The following MACROD2 variants were observed in gnomAD, a reference collection of about 807,000 sequenced individuals.
MACROD2 encodes ADP-ribose glycohydrolase MACROD2.
MACROD2 carries 36 observed loss-of-function variants against 70.4 expected under a neutral mutation model. That is an observed-to-expected ratio of 0.51 (90% CI 0.39 to 0.68). MACROD2 has a LOEUF of 0.68. MACROD2 is among the 30% of genes least tolerant of loss of function. MACROD2 has a pLI of 0.00. For synonymous variants in MACROD2, 172 were observed against 178.8 expected, an observed-to-expected ratio of 0.96 and a Z score of 0.30; for missense variants, 496 against 538.4, an observed-to-expected ratio of 0.92 and a Z score of 0.78.
intron 8 of MACROD2, among the ~76,000 whole-genome samples, chr20:15,642,634 ACACAC>A (rs2049478986): frequency 7.7e-6 from 1 of 129,644 alleles, no homozygotes; most frequent in Non-Finnish European, 1.6e-5. Context: ...ACACACACAC[ACACAC>A]ACGTGTGCAT....
chr20:15,336,639 G>GT (rs2078051578), intron 6 of MACROD2, among the ~76,000 whole-genome samples: 1 of 48,152 alleles, frequency 2.1e-5, no homozygotes, highest in African/African-American at 1.0e-4. Context: ...CAAAAGTCTT[G>GT]CTCTTCAGAA....
intron 5 of MACROD2, among the ~76,000 whole-genome samples, chr20:14,694,428 C>T (rs556899193): frequency 6.6e-6 from 1 of 152,272 alleles, no homozygotes; most frequent in African/African-American, 2.4e-5. Context: ...GTATAGTGAT[C>T]TTTCTGCTGA....
At chr20:14,350,551 G>A (rs996139515) in intron 3 of MACROD2, among the ~76,000 whole-genome samples, 1 of 152,100 alleles carries the variant, frequency 6.6e-6, no homozygotes, top group Non-Finnish European at 1.5e-5. Context: ...CTATTTGTGT[G>A]TCTTCTTTTG....
At chr20:14,419,452 G>T (rs969444316) in intron 3 of MACROD2, among the ~76,000 whole-genome samples, 1 of 152,088 alleles carries the variant, frequency 6.6e-6, no homozygotes, top group African/African-American at 2.4e-5. Flanking sequence ...TGGAAACATT[G>T]TCTTTCTACC....
intron 5 of MACROD2, among the ~76,000 whole-genome samples, chr20:14,972,562 C>A (rs564242113): frequency 2.6e-5 from 4 of 152,236 alleles, no homozygotes. Flanking sequence ...GTCTAATGCC[C>A]AGAAACAAGT....
intron 5 of MACROD2, among the ~76,000 whole-genome samples, chr20:14,961,627 A>T (rs2074584227): frequency 6.6e-6 from 1 of 152,074 alleles, no homozygotes; most frequent in African/African-American, 2.4e-5. Flanking sequence ...TCCTGGGCTC[A>T]AACGATATCG....
At chr20:15,885,692 A>T in intron 9 of MACROD2, 72 bp from the exon 10 acceptor site, 2 of 1,319,634 alleles carry the variant, frequency 1.5e-6, no homozygotes, top group Non-Finnish European at 2.0e-6. Flanking sequence ...TTTTTTAATA[A>T]TCCATCTGGA....
At chr20:15,436,290 A>C (rs549451500) in intron 7 of MACROD2, among the ~76,000 whole-genome samples, 1 of 152,260 alleles carries the variant, frequency 6.6e-6, no homozygotes, top group East Asian at 1.9e-4. Flanking sequence ...CCTCACAATC[A>C]TGGTGGAAGG....
At chr20:14,357,959 A>G (rs1227137941) in intron 3 of MACROD2, among the ~76,000 whole-genome samples, 1 of 152,230 alleles carries the variant, frequency 6.6e-6, no homozygotes, top group East Asian at 1.9e-4. Context: ...TGAATTAAAC[A>G]TGTCTTATTC....
At chr20:14,802,658 A>G (rs1340820518) in intron 5 of MACROD2, among the ~76,000 whole-genome samples, 1 of 152,032 alleles carries the variant, frequency 6.6e-6, no homozygotes, top group African/African-American at 2.4e-5. Flanking sequence ...GAGGCAAAAT[A>G]ATAATTGTTC....
At chr20:14,465,000 A>T (rs1279170268) in intron 3 of MACROD2, among the ~76,000 whole-genome samples, 1 of 152,082 alleles carries the variant, frequency 6.6e-6, no homozygotes, top group African/African-American at 2.4e-5. Context: ...GCTGAAAAGA[A>T]TGTATATTCT....
At chr20:15,982,522 A>G (rs528866887) in intron 13 of MACROD2, among the ~76,000 whole-genome samples, 2 of 151,922 alleles carry the variant, frequency 1.3e-5, no homozygotes, top group African/African-American at 4.8e-5. Context: ...TTTCAGAGTC[A>G]CTTTGCAGGG....
intron 8 of MACROD2, among the ~76,000 whole-genome samples, chr20:15,623,507 C>T (rs2049156457): frequency 6.6e-6 from 1 of 152,074 alleles, no homozygotes; most frequent in Non-Finnish European, 1.5e-5. Context: ...TAGCTGGAAG[C>T]CATGAACAAA....
intron 3 of MACROD2, among the ~76,000 whole-genome samples, chr20:14,401,977 A>G (rs1419861887): frequency 6.6e-6 from 1 of 152,146 alleles, no homozygotes; most frequent in Non-Finnish European, 1.5e-5. Context: ...CCAACAAACC[A>G]GAGATTTTCT....
At chr20:15,549,524 G>A (rs542565739) in intron 8 of MACROD2, among the ~76,000 whole-genome samples, 1 of 152,312 alleles carries the variant, frequency 6.6e-6, no homozygotes, top group South Asian at 2.1e-4. Flanking sequence ...ATCTCTTGAT[G>A]ACTGGATACT....
chr20:14,558,084 C>G (rs930761809), intron 4 of MACROD2, among the ~76,000 whole-genome samples: 1 of 151,210 alleles, frequency 6.6e-6, no homozygotes, highest in South Asian at 2.1e-4. Context: ...GGAAAACTTA[C>G]GCTGAATGAA....
At chr20:14,630,587 T>C (rs1235871271) in intron 4 of MACROD2, among the ~76,000 whole-genome samples, 2 of 152,162 alleles carry the variant, frequency 1.3e-5, no homozygotes, top group African/African-American at 4.8e-5. Flanking sequence ...TGCCTTTCCT[T>C]CTAGATTATT....
At chr20:14,397,347 G>C (rs868817449) in intron 3 of MACROD2, among the ~76,000 whole-genome samples, 1 of 152,044 alleles carries the variant, frequency 6.6e-6, no homozygotes, top group Non-Finnish European at 1.5e-5. Context: ...CATACATCTT[G>C]TTTGTTTTAT....
intron 8 of MACROD2, among the ~76,000 whole-genome samples, chr20:15,566,869 G>T (rs543876389): frequency 6.6e-6 from 1 of 152,000 alleles, no homozygotes; most frequent in Non-Finnish European, 1.5e-5. Flanking sequence ...GTTTCCTTTC[G>T]TAGTTCTTAC....
Sources: allele counts gnomAD v4.1 joint callset (sites outside exome capture counted in the v4.1 genomes callset), GRCh38; gene constraint gnomAD v4.1.1; transcripts MANE v1.5; gene names NCBI Gene and HGNC (gene_info 2026-07-23, HGNC 2026-07-21).